The following ROPN1L variants were observed in gnomAD, a reference collection of about 807,000 sequenced individuals.
ROPN1L encodes ropporin-1-like protein.
Under a neutral mutation model 22.7 loss-of-function variants are expected in ROPN1L, and 23 were observed. The ratio of observed to expected loss-of-function variants is 1.01; its 90% CI spans 0.73 to 1.43. The LOEUF (loss-of-function observed/expected upper bound fraction) is 1.43. ROPN1L is among the 40% of genes most tolerant of loss of function. ROPN1L has a pLI of 0.00. For missense variants in ROPN1L, 271 were observed against 291.5 expected (o/e 0.93, Z 0.51); for synonymous variants, 116 against 117.8 (o/e 0.98, Z 0.10).
At chr5:10,462,086 C>T (rs937210410) in intron 4 of ROPN1L, among the ~76,000 whole-genome samples, 5 of 152,164 alleles carry the variant, frequency 3.3e-5, no homozygotes, top group African/African-American at 1.2e-4. Context: ...GCCATCAGCC[C>T]CTCTCCCCAC....
chr5:10,454,984 A>T (rs1398034762), intron 3 of ROPN1L, among the ~76,000 whole-genome samples: 1 of 152,112 alleles, frequency 6.6e-6, no homozygotes, highest in Non-Finnish European at 1.5e-5. Context: ...ATTCAAGTTT[A>T]CGCCTGAGAT....
chr5:10,466,479 G>C (rs191033610), downstream of ROPN1L, among the ~76,000 whole-genome samples: 1 of 152,304 alleles, frequency 6.6e-6, no homozygotes, highest in African/African-American at 2.4e-5. Flanking sequence ...TTGAAGACGA[G>C]TTTTGTAAGC....
At chr5:10,472,904 C>T (rs1296934411), downstream of ROPN1L, among the ~76,000 whole-genome samples, 1 of 152,224 alleles carries the variant, frequency 6.6e-6, no homozygotes, top group African/African-American at 2.4e-5. Flanking sequence ...CCTGCTCTCC[C>T]AGTCTGCTGT....
At chr5:10,461,153 T>C in intron 3 of ROPN1L, 31 bp from the exon 4 acceptor site, 1 of 1,592,660 alleles carries the variant, frequency 6.3e-7, no homozygotes, top group Non-Finnish European at 8.6e-7. Flanking sequence ...GAGTAACTGT[T>C]TTTCTCCCCA....
the ROPN1L span, among the ~76,000 whole-genome samples, chr5:10,481,050 T>C: frequency 2.0e-5 from 3 of 152,230 alleles, no homozygotes; most frequent in East Asian, 5.8e-4. Context: ...TGTCAAGAGC[T>C]ATGAAGGGTC....
chr5:10,443,525 G>A (rs2126423427), intron 1 of ROPN1L, among the ~76,000 whole-genome samples: 1 of 152,096 alleles, frequency 6.6e-6, no homozygotes, highest in South Asian at 2.1e-4. Context: ...GGGAGGCTGA[G>A]GCAGGAGAAT....
downstream of ROPN1L, among the ~76,000 whole-genome samples, chr5:10,474,859 G>T (rs751249668): frequency 2.0e-5 from 3 of 152,162 alleles, no homozygotes; most frequent in Non-Finnish European, 4.4e-5. Flanking sequence ...TGATTTGGTG[G>T]TTTTTTATGA....
At chr5:10,467,736 T>C (rs1021176929), downstream of ROPN1L, among the ~76,000 whole-genome samples, 3 of 152,246 alleles carry the variant, frequency 2.0e-5, no homozygotes, top group Non-Finnish European at 2.9e-5. Flanking sequence ...TGACTCAGCT[T>C]GCAGCTTCAT....
At chr5:10,471,054 C>T (rs993957928) in intron 4 of ROPN1L, among the ~76,000 whole-genome samples, 4 of 152,222 alleles carry the variant, frequency 2.6e-5, no homozygotes, top group Non-Finnish European at 4.4e-5. Context: ...TGGAGCCCAA[C>T]TCCAAAGGAA....
chr5:10,470,726 C>T (rs183736324), intron 4 of ROPN1L, among the ~76,000 whole-genome samples: 35 of 152,342 alleles, frequency 2.3e-4, no homozygotes, highest in Admixed American at 2.1e-3. Flanking sequence ...TTGAATCTCA[C>T]GTAAAGTATT....
chr5:10,479,690 A>G, the ROPN1L span, among the ~76,000 whole-genome samples: 5 of 151,782 alleles, frequency 3.3e-5, no homozygotes, highest in African/African-American at 1.2e-4. Context: ...TCCTGTCCCT[A>G]CTGTCTCCTC....
rs151041293 is a variant in ROPN1L, at chr5:10,448,843, C to T, written c.255+460C>T. 2.7e-3 allele frequency among the ~76,000 whole-genome samples: 418 copies of T among 152,326 alleles called. 3 individuals carry two copies. The highest frequency in any genetic ancestry group is 9.6e-3 in the African/African-American group (399 of 41,564). ...AAGGTGGGCAGCAGCCTCTGGTGTC[C>T]AGTGCTGTGGAGAGCCTGGGCCCCC... On this transcript the variant is annotated intron_variant, in intron 2 of 4. Coordinates refer to ENST00000274134, the MANE Select transcript of ROPN1L (RefSeq NM_031916.5).
Position 10,442,135 on chromosome 5 carries a change from G to C in ROPN1L, c.-33G>C, listed in dbSNP as rs1473432615. 2 of 1,587,138 alleles carry C rather than the reference G, an allele frequency of 1.3e-6. No homozygotes were observed. The highest frequency in any genetic ancestry group is 1.3e-5 in the African/African-American group (1 of 74,508). ...GCCCTTCTTCCTCGCAGCGCGCCGC[G>C]ATTCACCAGCCTGGTCCCTTCTGCG... On this transcript the variant is annotated 5_prime_UTR_variant, in exon 1 of 5. Coordinates refer to ENST00000274134, the MANE Select transcript of ROPN1L (RefSeq NM_031916.5).
At chr5:10,442,679 G>A (rs1237929934) in intron 1 of ROPN1L, among the ~76,000 whole-genome samples, 3 of 152,222 alleles carry the variant, frequency 2.0e-5, no homozygotes, top group Non-Finnish European at 4.4e-5. Context: ...TTTACAAAGA[G>A]GAATATTTTA....
chr5:10,480,954 G>A, the ROPN1L span, among the ~76,000 whole-genome samples: 1 of 152,128 alleles, frequency 6.6e-6, no homozygotes, highest in Non-Finnish European at 1.5e-5. Flanking sequence ...GACAGGAAGG[G>A]CCTCTTCTCT....
intron 3 of ROPN1L, among the ~76,000 whole-genome samples, chr5:10,452,780 A>G (rs1336908883): frequency 6.6e-6 from 1 of 152,214 alleles, no homozygotes; most frequent in Non-Finnish European, 1.5e-5. Context: ...ATCCATCTTT[A>G]TAGTTTTCAC....
chr5:10,477,668 G>A, the ROPN1L span, among the ~76,000 whole-genome samples: 1 of 152,198 alleles, frequency 6.6e-6, no homozygotes, highest in East Asian at 1.9e-4. Context: ...AGTGGCTCAT[G>A]TCTGTAATTC....
At chr5:10,442,319 G>T in intron 1 of ROPN1L, 21 bp downstream of exon 1, 1 of 1,611,214 alleles carries the variant, frequency 6.2e-7, no homozygotes, top group African/African-American at 1.3e-5. Flanking sequence ...TTGGCCCGGG[G>T]AGCTGTCCGG....
At chr5:10,464,775 G>A (rs1318307264) in intron 4 of ROPN1L, 73 bp from the exon 5 acceptor site, 42 of 821,002 alleles carry the variant, frequency 5.1e-5, no homozygotes, top group African/African-American at 1.2e-4. Context: ...AAATTATATC[G>A]CATTTTATAA....
Sources: gnomAD v4.1 joint callset for allele counts (sites outside exome capture counted in the v4.1 genomes callset) on GRCh38, gnomAD v4.1.1 for gene constraint, MANE v1.5 for transcripts, NCBI Gene and HGNC (gene_info 2026-07-23, HGNC 2026-07-21) for gene names.